CSMD1: variants seen among roughly 807,000 people sequenced by gnomAD.
CSMD1 encodes the protein CUB and sushi domain-containing protein 1.
CSMD1 carries 213 observed loss-of-function variants against 417.5 expected under a neutral mutation model. The ratio of observed to expected loss-of-function variants is 0.51; its 90% CI spans 0.46 to 0.57. The LOEUF (loss-of-function observed/expected upper bound fraction) is 0.57, where lower values mean the gene tolerates loss of function less well. CSMD1 is among the 20% of genes least tolerant of loss of function. The probability of loss-of-function intolerance (pLI) is 0.00; values close to 1 mark genes in which losing one functional copy is unlikely to be tolerated. For missense variants in CSMD1, 6,923 were observed against 4,529.7 expected (o/e 1.53, Z -15.17); for synonymous variants, 2,862 against 1,736.8 (o/e 1.65, Z -16.11).
chr8:3,907,732 G>T (rs1167054686), intron 5 of CSMD1, among the ~76,000 whole-genome samples: 1 of 152,192 alleles, frequency 6.6e-6, no homozygotes, highest in Non-Finnish European at 1.5e-5. Context: ...TGTTATGTGA[G>T]TAATCTCAGA....
chr8:4,927,389 A>T (rs940422207), intron 1 of CSMD1, among the ~76,000 whole-genome samples: 2 of 152,014 alleles, frequency 1.3e-5, no homozygotes, highest in Non-Finnish European at 2.9e-5. Flanking sequence ...CTTAGTATAA[A>T]TCCCTGCCAA....
intron 1 of CSMD1, chr8:4,788,211 T>C (rs10503284): frequency 5.7e-6 from 9 of 1,586,488 alleles, no homozygotes; most frequent in African/African-American, 5.4e-5. Flanking sequence ...TTGAGTAACA[T>C]CTGCGCATAA....
chr8:4,689,000 G>T (rs76598028), intron 1 of CSMD1, among the ~76,000 whole-genome samples: 1 of 152,278 alleles, frequency 6.6e-6, no homozygotes, highest in East Asian at 1.9e-4. Context: ...GGAAGTTATA[G>T]AACTAAATTG....
intron 12 of CSMD1, among the ~76,000 whole-genome samples, chr8:3,468,336 G>C (rs184361452): frequency 4.7e-4 from 71 of 152,248 alleles, no homozygotes; most frequent in Middle Eastern, 3.4e-3. Context: ...ATAATTGTAA[G>C]TATTTTCAGA....
chr8:3,698,860 T>C (rs1020734747), intron 7 of CSMD1, among the ~76,000 whole-genome samples: 2 of 152,248 alleles, frequency 1.3e-5, no homozygotes, highest in South Asian at 2.1e-4. Flanking sequence ...ATAAAGTTTC[T>C]GAGCTTGAAA....
At chr8:4,831,794 T>C (rs1800165632) in intron 1 of CSMD1, among the ~76,000 whole-genome samples, 1 of 152,166 alleles carries the variant, frequency 6.6e-6, no homozygotes, top group African/African-American at 2.4e-5. Flanking sequence ...CAGGTCCCCT[T>C]CAGGGACCAG....
chr8:4,635,711 T>C (rs1340133970), intron 2 of CSMD1, among the ~76,000 whole-genome samples: 2 of 152,202 alleles, frequency 1.3e-5, no homozygotes, highest in East Asian at 1.9e-4. Flanking sequence ...GCGTTGATAA[T>C]TGACAACAAA....
At chr8:3,805,303 C>G (rs904522582) in intron 5 of CSMD1, among the ~76,000 whole-genome samples, 6 of 152,126 alleles carry the variant, frequency 3.9e-5, no homozygotes, top group African/African-American at 1.4e-4. Flanking sequence ...CAGATTCCAC[C>G]AGGACACCAG....
chr8:3,831,423 A>C lies in CSMD1; in HGVS notation c.819-77381T>G, dbSNP rs146086270. Among the ~76,000 whole-genome samples, 167 of 152,264 alleles carry C rather than the reference A, an allele frequency of 1.1e-3. 1 individual carries two copies. The highest frequency in any genetic ancestry group is 4.8e-3 in the South Asian group (23 of 4,830). ...AACTGCCCTCACAATGACCAAAGCT[A>C]TATTAAAATTCCATAAGGAAACATC... On this transcript the variant is annotated intron_variant, in intron 5 of 69. Coordinates refer to ENST00000635120, the MANE Select transcript of CSMD1 (RefSeq NM_033225.6).
chr8:3,200,474 G>C (rs1473992141), intron 32 of CSMD1, among the ~76,000 whole-genome samples: 1 of 151,914 alleles, frequency 6.6e-6, no homozygotes, highest in African/African-American at 2.4e-5. Context: ...AGAATCGCTT[G>C]AACCTGGGAG....
intron 34 of CSMD1, 141 bp downstream of exon 34, chr8:3,189,771 A>T (rs760374450): frequency 7.3e-6 from 5 of 689,026 alleles, no homozygotes; most frequent in Non-Finnish European, 1.2e-5. Flanking sequence ...CTACTAACTC[A>T]ATTACTTCCC....
chr8:4,088,283 A>C (rs1472567165), intron 3 of CSMD1, among the ~76,000 whole-genome samples: 1 of 152,210 alleles, frequency 6.6e-6, no homozygotes, highest in East Asian at 1.9e-4. Context: ...TCTCAATTGC[A>C]TGGCCATTGA....
At chr8:3,217,454 T>C (rs1797945875) in intron 29 of CSMD1, among the ~76,000 whole-genome samples, 1 of 152,112 alleles carries the variant, frequency 6.6e-6, no homozygotes, top group African/African-American at 2.4e-5. Context: ...AGAACAGGAG[T>C]TGTCAGAGTG....
At chr8:4,172,678 T>C (rs968172107) in intron 3 of CSMD1, among the ~76,000 whole-genome samples, 13 of 152,202 alleles carry the variant, frequency 8.5e-5, no homozygotes, top group African/African-American at 3.1e-4. Context: ...ACCAGGTGTT[T>C]CACACATATT....
At chr8:3,010,362 T>C (rs571392557) in intron 52 of CSMD1, among the ~76,000 whole-genome samples, 2 of 152,328 alleles carry the variant, frequency 1.3e-5, no homozygotes, top group Non-Finnish European at 2.9e-5. Flanking sequence ...GCACCATGCC[T>C]TGTGCATGTG....
intron 21 of CSMD1, among the ~76,000 whole-genome samples, chr8:3,358,242 C>T (rs938590316): frequency 1.3e-5 from 2 of 152,164 alleles, no homozygotes; most frequent in Non-Finnish European, 2.9e-5. Context: ...ACTCAGAAGG[C>T]TTGGTATTAA....
chr8:4,617,917 G>A (rs763651336), intron 2 of CSMD1, among the ~76,000 whole-genome samples: 2 of 152,084 alleles, frequency 1.3e-5, no homozygotes, highest in African/African-American at 2.4e-5. Context: ...CAGTTCCTAT[G>A]CAATAACACT....
At chr8:4,366,542 A>T (rs1255745803) in intron 3 of CSMD1, among the ~76,000 whole-genome samples, 1 of 152,160 alleles carries the variant, frequency 6.6e-6, no homozygotes, top group South Asian at 2.1e-4. Context: ...CATTCCACTC[A>T]CAGCATATAA....
chr8:3,009,146 T>C (rs940097171), intron 52 of CSMD1, among the ~76,000 whole-genome samples: 1 of 152,182 alleles, frequency 6.6e-6, no homozygotes, highest in Admixed American at 6.5e-5. Context: ...AGCTGTAGGA[T>C]CTCTCCCCTC....
Sources: allele counts gnomAD v4.1 joint callset (sites outside exome capture counted in the v4.1 genomes callset), GRCh38; gene constraint gnomAD v4.1.1; transcripts MANE v1.5; gene names NCBI Gene and HGNC (gene_info 2026-07-23, HGNC 2026-07-21).